Variants in RBFOX3 observed in about 807,000 individuals in gnomAD.
RBFOX3 encodes RNA binding protein fox-1 homolog 3.
In RBFOX3, 17 loss-of-function variants were observed where a neutral mutation model predicts 48.7. The observed-to-expected ratio is 0.35, with a 90% confidence interval of 0.24 to 0.52. RBFOX3 has a LOEUF of 0.52. Ranked by LOEUF, RBFOX3 falls within the 20% of genes least tolerant of loss-of-function variation. The pLI is 0.94. For missense variants in RBFOX3, 382 were observed against 497.5 expected, an observed-to-expected ratio of 0.77 and a Z score of 2.21; for synonymous variants, 212 against 209.5, an observed-to-expected ratio of 1.01 and a Z score of -0.10.
At chr17:79,554,464 C>CTCCATCCTCACTCACAGTCACCCCG (rs1349724968) in intron 1 of RBFOX3, among the ~76,000 whole-genome samples, 1 of 74,336 alleles carries the variant, frequency 1.3e-5, no homozygotes, top group African/African-American at 5.5e-5. Flanking sequence ...AGTCACCCCT[C>CTCCATCCTCACTCACAGTCACCCCG]ACCTGGCCCT....
At chr17:79,584,312 A>G (rs957808266) in intron 1 of RBFOX3, among the ~76,000 whole-genome samples, 341 of 152,372 alleles carry the variant, frequency 2.2e-3, no homozygotes, top group African/African-American at 7.4e-3. Context: ...TAGTACAGCC[A>G]CTATGGAAAA....
chr17:79,564,838 G>A (rs955447021), intron 1 of RBFOX3, among the ~76,000 whole-genome samples: 21 of 152,142 alleles, frequency 1.4e-4, no homozygotes, highest in African/African-American at 4.6e-4. Flanking sequence ...TCAGGAGTTC[G>A]AGACCAGCCT....
intron 4 of RBFOX3, among the ~76,000 whole-genome samples, chr17:79,209,489 C>G (rs915223573): frequency 1.3e-5 from 2 of 152,214 alleles, no homozygotes; most frequent in Non-Finnish European, 2.9e-5. Flanking sequence ...GTGGCCGGCA[C>G]CGCAGGTGTG....
chr17:79,502,749 T>G (rs1185007407), intron 1 of RBFOX3, among the ~76,000 whole-genome samples: 1 of 152,152 alleles, frequency 6.6e-6, no homozygotes, highest in Non-Finnish European at 1.5e-5. Flanking sequence ...ACTCATGCCG[T>G]GGAAAAGCAT....
At chr17:79,183,355 A>G (rs1451116113) in intron 4 of RBFOX3, 3 of 152,180 alleles carry the variant, frequency 2.0e-5, no homozygotes, top group African/African-American at 7.3e-5. Context: ...CGAGTTCGCC[A>G]TGGAGCACAG....
the RBFOX3 span, among the ~76,000 whole-genome samples, chr17:79,632,405 C>T: frequency 6.6e-6 from 1 of 152,028 alleles, no homozygotes. Flanking sequence ...TTCTGCTCCA[C>T]GTTTCCAGAG....
At chr17:79,113,618 AT>A (rs2032866552) in intron 5 of RBFOX3, among the ~76,000 whole-genome samples, 1 of 152,138 alleles carries the variant, frequency 6.6e-6, no homozygotes, top group Non-Finnish European at 1.5e-5. Flanking sequence ...TGAGACTCCC[AT>A]CCTCCTGGTT....
intron 4 of RBFOX3, among the ~76,000 whole-genome samples, chr17:79,117,678 C>T (rs879415742): frequency 4.6e-5 from 7 of 152,202 alleles, no homozygotes; most frequent in African/African-American, 9.6e-5. Flanking sequence ...CCTCCCCCAC[C>T]CCTAGCCTGT....
intron 4 of RBFOX3, among the ~76,000 whole-genome samples, chr17:79,197,985 G>A (rs2056000771): frequency 6.6e-6 from 1 of 152,178 alleles, no homozygotes; most frequent in Non-Finnish European, 1.5e-5. Context: ...ATCTGTGACT[G>A]CGGCGCGTGC....
chr17:79,166,637 CGG>C (rs1319372311), intron 4 of RBFOX3, among the ~76,000 whole-genome samples: 1 of 151,788 alleles, frequency 6.6e-6, no homozygotes, highest in Non-Finnish European at 1.5e-5. Context: ...ATGCACAGGT[CGG>C]AATGTAGGCC....
chr17:79,278,795 A>G (rs2069547776), intron 3 of RBFOX3, among the ~76,000 whole-genome samples: 1 of 152,252 alleles, frequency 6.6e-6, no homozygotes, highest in South Asian at 2.1e-4. Context: ...TAGCCAGGGC[A>G]CATGATGCCA....
At chr17:79,432,730 A>G (rs539293172) in intron 2 of RBFOX3, among the ~76,000 whole-genome samples, 24 of 152,338 alleles carry the variant, frequency 1.6e-4, no homozygotes, top group African/African-American at 5.5e-4. Flanking sequence ...GGGGAAAAAA[A>G]AAAAAGCTAA....
intron 3 of RBFOX3, among the ~76,000 whole-genome samples, chr17:79,265,400 C>G (rs1286800364): frequency 1.3e-5 from 2 of 152,168 alleles, no homozygotes; most frequent in Non-Finnish European, 2.9e-5. Context: ...TGACACTGTC[C>G]TCTCTCTTGC....
At chr17:79,637,318 A>G in the RBFOX3 span, among the ~76,000 whole-genome samples, 1 of 152,234 alleles carries the variant, frequency 6.6e-6, no homozygotes, top group Non-Finnish European at 1.5e-5. Flanking sequence ...ACACATATAC[A>G]GAACTTTCTA....
At chr17:79,307,408 A>T (rs991206358) in intron 3 of RBFOX3, among the ~76,000 whole-genome samples, 3 of 152,264 alleles carry the variant, frequency 2.0e-5, no homozygotes, top group African/African-American at 7.2e-5. Context: ...GAGGGAATTT[A>T]TGGGCAACCC....
intron 1 of RBFOX3, among the ~76,000 whole-genome samples, chr17:79,554,452 A>C: frequency 2.3e-5 from 3 of 133,318 alleles, no homozygotes; most frequent in African/African-American, 2.7e-5. Flanking sequence ...ATCTTCACTC[A>C]CAGTCACCCC....
chr17:79,101,319 G>A (rs1803390867), intron 9 of RBFOX3, among the ~76,000 whole-genome samples: 1 of 152,210 alleles, frequency 6.6e-6, no homozygotes, highest in Non-Finnish European at 1.5e-5. Flanking sequence ...GCCTCTGGGG[G>A]CCAGGCACGC....
chr17:79,112,005 G>A (rs748982491), intron 5 of RBFOX3, among the ~76,000 whole-genome samples: 20 of 152,350 alleles, frequency 1.3e-4, no homozygotes, highest in Non-Finnish European at 1.8e-4. Context: ...GCAGGTGTGC[G>A]TGCCCCTTGT....
At chr17:79,145,688 G>A (rs2042891092) in intron 4 of RBFOX3, among the ~76,000 whole-genome samples, 1 of 152,204 alleles carries the variant, frequency 6.6e-6, no homozygotes, top group Non-Finnish European at 1.5e-5. Context: ...TGTTTTTTCT[G>A]CCACCACCAC....
Sources: gnomAD v4.1 joint callset for allele counts (sites outside exome capture counted in the v4.1 genomes callset) on GRCh38, gnomAD v4.1.1 for gene constraint, MANE v1.5 for transcripts, NCBI Gene and HGNC (gene_info 2026-07-23, HGNC 2026-07-21) for gene names.